Variants in KIRREL3 observed in about 807,000 individuals in gnomAD.
KIRREL3 encodes the protein kirre like nephrin family adhesion molecule 3, also known as kin of IRRE-like protein 3.
Under a neutral mutation model 89.7 loss-of-function variants are expected in KIRREL3, and 36 were observed. The observed-to-expected ratio is 0.40, with a 90% CI of 0.31 to 0.53. KIRREL3 has a LOEUF of 0.53. KIRREL3 is among the 20% of genes least tolerant of loss of function. The pLI, the probability that KIRREL3 is intolerant of heterozygous loss-of-function variation, is 0.49. For synonymous variants in KIRREL3, 445 were observed against 441.4 expected (o/e 1.01, Z -0.10); for missense variants, 864 against 1,056.6 (o/e 0.82, Z 2.53).
chr11:126,901,434 T>C (rs1946367317), intron 1 of KIRREL3, among the ~76,000 whole-genome samples: 1 of 152,170 alleles, frequency 6.6e-6, no homozygotes, highest in South Asian at 2.1e-4. Flanking sequence ...GTTGCTAGTC[T>C]GGAAAATCTG....
rs115858941 is a variant in KIRREL3, at chr11:126,436,161, C to T, written c.1552+650G>A. ...GTGGGGTGAGGCTTGTTCCTCCTGC[C>T]TCCTCCCTCTCACCCACCCGGCTGC... On this transcript the variant is annotated intron_variant, in intron 12 of 16. Coordinates refer to ENST00000525144, the MANE Select transcript of KIRREL3 (RefSeq NM_032531.4). 9.5e-3 allele frequency among the ~76,000 whole-genome samples: 1,454 copies of T among 152,314 alleles called. 29 individuals are homozygous for T. Among genetic ancestry groups the T allele is most frequent in the African/African-American group, 0.031 (1,308 of 41,572 alleles).
intron 1 of KIRREL3, among the ~76,000 whole-genome samples, chr11:126,866,488 T>C (rs1436275533): frequency 6.6e-6 from 1 of 151,916 alleles, no homozygotes; most frequent in Non-Finnish European, 1.5e-5. Context: ...GACAGTGAAA[T>C]AGGAGGGGGG....
In KIRREL3 at chr11:126,817,230, G is replaced by C. The variant is rs1952284225; in HGVS notation, c.55+183225C>G. 6.6e-6 allele frequency among the ~76,000 whole-genome samples: 1 copy of C among 152,176 alleles called. No homozygotes were observed. Among genetic ancestry groups the C allele is most frequent in the Non-Finnish European group, 1.5e-5 (1 of 68,038 alleles). On this transcript the variant is annotated intron_variant, in intron 1 of 16. Coordinates refer to ENST00000525144, the MANE Select transcript of KIRREL3 (RefSeq NM_032531.4). This position sits in a 1 kb window ranked among gnomAD's most constrained non-coding sequence, Gnocchi z 5.7. ...GCAGAGGGGATAAACAGCTCACCCT[G>C]TTGAGGATGTTTACTTTTGCATCTG... is the stretch of plus-strand genomic sequence containing the variant.
chr11:126,654,093 T>A (rs967283739), intron 1 of KIRREL3, among the ~76,000 whole-genome samples: 1 of 152,138 alleles, frequency 6.6e-6, no homozygotes, highest in Non-Finnish European at 1.5e-5. Flanking sequence ...GACACATGAA[T>A]TTCTACTTTG....
At position 126,522,329 on chromosome 11, in the gene KIRREL3, C is replaced by G. The variant is rs1958624344; in HGVS notation, c.284-865G>C. Among the ~76,000 whole-genome samples the G allele has an allele frequency of 6.6e-6, 1 of 152,100 alleles. No individual in the cohort carries two copies. ...AAAAGAGAAATGTTTGGAAAAGGAT[C>G]AAGAGTGACTTTGCAAAAATTTTGT... On this transcript the variant is annotated intron_variant, in intron 3 of 16. Transcript: ENST00000525144. The surrounding 1 kb of genome is among the most constrained non-coding windows in gnomAD (Gnocchi z 6.0).
intron 1 of KIRREL3, among the ~76,000 whole-genome samples, chr11:126,793,010 T>G (rs1950694145): frequency 6.6e-6 from 1 of 152,206 alleles, no homozygotes; most frequent in African/African-American, 2.4e-5. Context: ...AGCTTACATC[T>G]CTGCTGTGTG....
In KIRREL3 at chr11:126,645,760, G is replaced by A. The variant is rs956078879; in HGVS notation, c.56-82848C>T. On this transcript the variant is annotated intron_variant, in intron 1 of 16. Coordinates refer to ENST00000525144, the MANE Select transcript of KIRREL3 (RefSeq NM_032531.4). This position sits in a 1 kb window ranked among gnomAD's most constrained non-coding sequence, Gnocchi z 4.9. Reference sequence around the variant, plus strand: ...GAATGGCAGATAAGGTGGTGTCTTCGCCTATGCTTTGGACCACATTTAATT... The same window carrying A: ...GAATGGCAGATAAGGTGGTGTCTTCACCTATGCTTTGGACCACATTTAATT... Among the ~76,000 whole-genome samples the A allele has an allele frequency of 1.3e-5, 2 of 152,108 alleles. No homozygotes were observed. The highest frequency in any genetic ancestry group is 6.5e-5 in the Admixed American group (1 of 15,276).
Position 126,750,592 on chromosome 11 carries a change from AC to A in KIRREL3, c.56-187681del, listed in dbSNP as rs533123829. 1.3e-3 allele frequency among the ~76,000 whole-genome samples: 191 copies of A among 152,344 alleles called. No individual in the cohort carries two copies. Among genetic ancestry groups the A allele is most frequent in the African/African-American group, 4.4e-3 (181 of 41,586 alleles). ...AGCTGTGGCTAGTGGTAAAGCTTCTACAGAACTGTTTAGTGGGAAAGAATCA... is the reference window on the plus strand; with the variant it reads ...AGCTGTGGCTAGTGGTAAAGCTTCTAAGAACTGTTTAGTGGGAAAGAATCA... On this transcript the variant is annotated intron_variant, in intron 1 of 16. Transcript: ENST00000525144. The surrounding 1 kb of genome is among the most constrained non-coding windows in gnomAD (Gnocchi z 4.2).
intron 1 of KIRREL3, among the ~76,000 whole-genome samples, chr11:126,789,750 G>A (rs1332956909): frequency 2.0e-5 from 3 of 152,136 alleles, no homozygotes; most frequent in South Asian, 2.1e-4. Flanking sequence ...CATGCACTCT[G>A]TGGTTTTCTG....
At position 126,791,167 on chromosome 11, in the gene KIRREL3, G is replaced by T. The variant is rs1487394401; in HGVS notation, c.55+209288C>A. Among the ~76,000 whole-genome samples the T allele has an allele frequency of 1.3e-5, 2 of 152,146 alleles. No homozygotes were observed. Among genetic ancestry groups the T allele is most frequent in the Admixed American group, 6.5e-5 (1 of 15,282 alleles). On this transcript the variant is annotated intron_variant, in intron 1 of 16. Coordinates refer to ENST00000525144, the MANE Select transcript of KIRREL3 (RefSeq NM_032531.4). This position sits in a 1 kb window ranked among gnomAD's most constrained non-coding sequence, Gnocchi z 4.8. ...GAAATTGCCTCCTGAGCGCTGCCTG[G>T]CTGCTTCAGAAGAAAAGTCTGTGTT...
chr11:126,828,063 C>T (rs1943477791), intron 1 of KIRREL3, among the ~76,000 whole-genome samples: 1 of 152,106 alleles, frequency 6.6e-6, no homozygotes, highest in Non-Finnish European at 1.5e-5. Flanking sequence ...TTATTATGAC[C>T]ATTAAGTAAA....
Position 126,708,961 on chromosome 11 carries a change from T to C in KIRREL3, c.56-146049A>G, listed in dbSNP as rs561834110. 1.3e-5 allele frequency among the ~76,000 whole-genome samples: 2 copies of C among 152,304 alleles called. No homozygotes were observed. Among genetic ancestry groups the C allele is most frequent in the South Asian group, 2.1e-4 (1 of 4,816 alleles). Reference sequence around the variant, plus strand: ...ATTGGTTTCTTCTCTATCCCACTATTACTGTCCTGATCCGTGCTAATCCAA... The same window carrying C: ...ATTGGTTTCTTCTCTATCCCACTATCACTGTCCTGATCCGTGCTAATCCAA... On this transcript the variant is annotated intron_variant, in intron 1 of 16. Transcript: ENST00000525144. This position sits in a 1 kb window ranked among gnomAD's most constrained non-coding sequence, Gnocchi z 5.7.
Position 126,802,634 on chromosome 11 carries a change from G to C in KIRREL3, c.55+197821C>G, listed in dbSNP as rs1320286944. On this transcript the variant is annotated intron_variant, in intron 1 of 16. Coordinates refer to ENST00000525144, the MANE Select transcript of KIRREL3 (RefSeq NM_032531.4). The surrounding 1 kb of genome is among the most constrained non-coding windows in gnomAD (Gnocchi z 5.2). ...GCGATGGGAGGGTGTCCTGTCGGGG[G>C]CTGGCTCCCGCCTGGCACCCTGAGC... 2.0e-5 allele frequency among the ~76,000 whole-genome samples: 3 copies of C among 152,158 alleles called. No individual in the cohort carries two copies. The highest frequency in any genetic ancestry group is 4.4e-5 in the Non-Finnish European group (3 of 68,030).
intron 1 of KIRREL3, among the ~76,000 whole-genome samples, chr11:126,921,770 TA>T (rs1417680095): frequency 9.6e-4 from 145 of 150,460 alleles, no homozygotes; most frequent in African/African-American, 3.4e-3. Flanking sequence ...TCTATCTATC[TA>T]TCTATCTATC....
chr11:126,445,119 C>T lies in KIRREL3; in HGVS notation c.1126-14G>A, dbSNP rs1471989927. On this transcript the variant is annotated splice_polypyrimidine_tract_variant and intron_variant, in intron 9 of 16. Coordinates refer to ENST00000525144, the MANE Select transcript of KIRREL3 (RefSeq NM_032531.4). Reference sequence around the variant, plus strand: ...ATTGCTCAGGACCTAGGAGAATTGGCAGGCTCAGATGCCAAGAGCAGGCGG... The same window carrying T: ...ATTGCTCAGGACCTAGGAGAATTGGTAGGCTCAGATGCCAAGAGCAGGCGG... The T allele has an allele frequency of 6.2e-7, 1 of 1,613,264 alleles. No homozygotes were observed. The highest frequency in any genetic ancestry group is 8.5e-7 in the Non-Finnish European group (1 of 1,179,536).
intron 1 of KIRREL3, among the ~76,000 whole-genome samples, chr11:126,649,923 C>T (rs1056566739): frequency 6.6e-6 from 1 of 152,254 alleles, no homozygotes; most frequent in Non-Finnish European, 1.5e-5. Flanking sequence ...AAACTTCTGC[C>T]TGGGCATCCA....
chr11:126,500,394 T>C (rs1294611379), intron 4 of KIRREL3, among the ~76,000 whole-genome samples: 2 of 152,224 alleles, frequency 1.3e-5, no homozygotes, highest in Admixed American at 6.5e-5. Context: ...ACTCAAAGCC[T>C]GCTTGGTGTC....
At position 126,772,435 on chromosome 11, in the gene KIRREL3, T is replaced by G. The variant is rs1472760888; in HGVS notation, c.56-209523A>C. Among the ~76,000 whole-genome samples, 1 of 152,074 alleles carries G rather than the reference T, an allele frequency of 6.6e-6. No individual in the cohort carries two copies. Among genetic ancestry groups the G allele is most frequent in the African/African-American group, 2.4e-5 (1 of 41,406 alleles). ...TGGCTTATAATTTGAGGGAGACGTT[T>G]GGGAGGAGGATGCTTCAGCCGCTTG... On this transcript the variant is annotated intron_variant, in intron 1 of 16. Transcript: ENST00000525144. The surrounding 1 kb of genome is among the most constrained non-coding windows in gnomAD (Gnocchi z 4.6).
At position 126,736,647 on chromosome 11, in the gene KIRREL3, T is replaced by A. The variant is rs1446399423; in HGVS notation, c.56-173735A>T. On this transcript the variant is annotated intron_variant, in intron 1 of 16. Coordinates refer to ENST00000525144, the MANE Select transcript of KIRREL3 (RefSeq NM_032531.4). The surrounding 1 kb of genome is among the most constrained non-coding windows in gnomAD (Gnocchi z 5.0). ...AGGAGCCCAGGGTGCTGCTAACCAC[T>A]CTGCAATGCACAGGCCAGCCCCCAT... Among the ~76,000 whole-genome samples, 1 of 152,144 alleles carries A rather than the reference T, an allele frequency of 6.6e-6. No homozygotes were observed. The highest frequency in any genetic ancestry group is 1.5e-5 in the Non-Finnish European group (1 of 68,020).
Sources: gnomAD v4.1 joint callset for allele counts (sites outside exome capture counted in the v4.1 genomes callset) on GRCh38, gnomAD v4.1.1 for gene constraint, Gnocchi (gnomAD v3.1) non-coding constraint, MANE v1.5 for transcripts, NCBI Gene and HGNC (gene_info 2026-07-23, HGNC 2026-07-21) for gene names.